UTP25: variants seen among roughly 807,000 people sequenced by gnomAD.
UTP25 encodes UTP25 small subunit processome component, also known as U3 small nucleolar RNA-associated protein 25 homolog.
In UTP25, 50 loss-of-function variants were observed where a neutral mutation model predicts 78.9. That is an observed-to-expected ratio of 0.63 (90% CI 0.50 to 0.80). The LOEUF is 0.80. UTP25 is among the 30% of genes least tolerant of loss of function. The pLI, the probability that UTP25 is intolerant of heterozygous loss-of-function variation, is 0.00. For missense variants in UTP25, 846 were observed against 911.3 expected (o/e 0.93, Z 0.92); for synonymous variants, 329 against 336.5 (o/e 0.98, Z 0.24).
chr1:209,856,840 G>T lies in UTP25; in HGVS notation c.*5393G>T, dbSNP rs1389122450. On this transcript the variant is annotated 3_prime_UTR_variant, in exon 12 of 12. Coordinates refer to ENST00000491415, the MANE Select transcript of UTP25 (RefSeq NM_014388.7). The stretch of plus-strand genomic sequence containing the variant: ...AGTTCTGACGTGTCCATTCCACACT[G>T]GATCCATAGAACGAGGGAACACAAG... The T allele has an allele frequency of 6.6e-6, 1 of 152,212 alleles. No individual in the cohort carries two copies. The highest frequency in any genetic ancestry group is 1.9e-4 in the East Asian group (1 of 5,206). The allele number at this position is 152,212 out of a possible 1,614,324, so 9.4% of individuals were successfully genotyped here. A position where few individuals can be genotyped will look rare whatever the true frequency, so the allele number is the denominator to read the frequency against.
At position 209,855,726 on chromosome 1, in the gene UTP25, G is replaced by A. The variant is rs1188259709; in HGVS notation, c.*4279G>A. The A allele has an allele frequency of 6.6e-6, 1 of 152,336 alleles. No homozygotes were observed. Among genetic ancestry groups the A allele is most frequent in the Non-Finnish European group, 1.5e-5 (1 of 68,136 alleles). 9.4% of individuals were successfully genotyped at this position (152,336 alleles called of 1,614,324 possible). On this transcript the variant is annotated 3_prime_UTR_variant, in exon 12 of 12. Transcript: ENST00000491415. ...GCTTCAGTCTTGGGCCTCTGCAGCT[G>A]GCTGTGACCAGGTGGAAACTGTAGC...
At chr1:209,846,731 G>T (rs1021339663) in intron 11 of UTP25, among the ~76,000 whole-genome samples, 1 of 152,214 alleles carries the variant, frequency 6.6e-6, no homozygotes, top group Non-Finnish European at 1.5e-5. Context: ...AAGCTATGGA[G>T]ACTTGCCACT....
intron 6 of UTP25, among the ~76,000 whole-genome samples, chr1:209,837,561 A>G (rs1336399139): frequency 6.6e-6 from 1 of 152,206 alleles, no homozygotes; most frequent in Non-Finnish European, 1.5e-5. Flanking sequence ...CAATCCCTCC[A>G]TATTACAGCT....
At chr1:209,830,550 CTGT>C (rs931282838) in intron 2 of UTP25, among the ~76,000 whole-genome samples, 3 of 150,728 alleles carry the variant, frequency 2.0e-5, no homozygotes, top group Admixed American at 1.3e-4. Context: ...TGTAATTATC[CTGT>C]TGTTCTATTA....
At chr1:209,849,246 C>T (rs1224651983) in intron 11 of UTP25, among the ~76,000 whole-genome samples, 1 of 152,162 alleles carries the variant, frequency 6.6e-6, no homozygotes, top group Admixed American at 6.5e-5. Context: ...CAGCCAGACT[C>T]CACCTTTTAT....
chr1:209,829,359 G>C (rs963894554), intron 1 of UTP25, among the ~76,000 whole-genome samples: 2 of 152,194 alleles, frequency 1.3e-5, no homozygotes, highest in African/African-American at 4.8e-5. Flanking sequence ...TTACGATAAG[G>C]AACTAAGTGT....
In UTP25 at chr1:209,835,142, C is replaced by G. The variant is rs780923080; in HGVS notation, c.630C>G (p.Pro210=). Residue 210 remains proline, a synonymous_variant, in exon 5 of 12, where the codon CCC becomes CCG. Transcript: ENST00000491415. Reference sequence around the variant, plus strand: ...CAATTCAGGCTGTTGCCACAAATCCCAAAACTACCCACGAGCTTAAAGTAA... The same window carrying G: ...CAATTCAGGCTGTTGCCACAAATCCGAAAACTACCCACGAGCTTAAAGTAA... The part of the protein sequence containing the change: ...EKAIQAVATN[P]KTTHELKWPI... The G allele has an allele frequency of 8.1e-6, 13 of 1,613,628 alleles. No individual in the cohort carries two copies. Among genetic ancestry groups the G allele is most frequent in the Admixed American group, 5.0e-5 (3 of 60,018 alleles).
At chr1:209,836,383 G>A (rs1466900909) in intron 5 of UTP25, among the ~76,000 whole-genome samples, 2 of 152,142 alleles carry the variant, frequency 1.3e-5, no homozygotes, top group African/African-American at 4.8e-5. Context: ...CTTTAGTATC[G>A]AGTGTACATT....
rs774303805 is a variant in UTP25, at chr1:209,843,464, G to C, written c.1795G>C (p.Val599Leu). ...SVIDARFNFF[V>L]NKILPQYRDA... ...ATTCCAAATCAGGTTTAACTTTTTTGTGAACAAGATTTTGCCACAGTATCG... is the reference window on the plus strand; with the variant it reads ...ATTCCAAATCAGGTTTAACTTTTTTCTGAACAAGATTTTGCCACAGTATCG... The change falls in exon 11 of 12, where the codon GTG (valine) becomes CTG (leucine). Residue 599 changes from valine (V) to leucine (L), a missense_variant. Physicochemically the swap from Val to Leu is conservative, Grantham distance 32. Coordinates refer to ENST00000491415, the MANE Select transcript of UTP25 (RefSeq NM_014388.7). The C allele has an allele frequency of 2.9e-5, 47 of 1,613,660 alleles. No homozygotes were observed. The highest frequency in any genetic ancestry group is 3.9e-5 in the Non-Finnish European group (46 of 1,179,796).
At chr1:209,847,020 C>T (rs1203187625) in intron 11 of UTP25, among the ~76,000 whole-genome samples, 3 of 145,052 alleles carry the variant, frequency 2.1e-5, no homozygotes, top group South Asian at 2.1e-4. Flanking sequence ...TGCACATGCA[C>T]ACGTGCACAC....
chr1:209,833,228 A>G lies in UTP25; in HGVS notation c.432A>G (p.Glu144=). Residue 144 remains glutamate (E), a synonymous_variant, in exon 4 of 12, where the codon GAA becomes GAG. Coordinates refer to ENST00000491415, the MANE Select transcript of UTP25 (RefSeq NM_014388.7). ...SADPEGKEDG[E]EPPGTSQTSP... Reference sequence around the variant, plus strand: ...ACCCTGAGGGAAAAGAAGATGGGGAAGAGCCACCGGGCACATCACAAACAT... The same window carrying G: ...ACCCTGAGGGAAAAGAAGATGGGGAGGAGCCACCGGGCACATCACAAACAT... 6.2e-7 allele frequency: 1 copy of G among 1,614,074 alleles called. No homozygotes were observed. Among genetic ancestry groups the G allele is most frequent in the Non-Finnish European group, 8.5e-7 (1 of 1,179,962 alleles).
intron 11 of UTP25, among the ~76,000 whole-genome samples, chr1:209,845,925 C>T (rs1040081143): frequency 2.7e-5 from 4 of 147,106 alleles, no homozygotes; most frequent in African/African-American, 1.0e-4. Flanking sequence ...GGTGTGATCT[C>T]GGCCCGCTGC....
chr1:209,848,623 C>T lies in UTP25; in HGVS notation c.2028-2581C>T, dbSNP rs192038662. ...TGTACACAGTTAAAAATGTGTCATG[C>T]GTTGCCACTTATTTGCTCCTTTGCA... On this transcript the variant is annotated intron_variant, in intron 11 of 11. Transcript: ENST00000491415. Among the ~76,000 whole-genome samples, 733 of 152,268 alleles carry T rather than the reference C, an allele frequency of 4.8e-3. 9 individuals are homozygous for T. The highest frequency in any genetic ancestry group is 6.1e-3 in the Non-Finnish European group (416 of 68,024).
intron 1 of UTP25, among the ~76,000 whole-genome samples, chr1:209,829,510 G>T (rs920439683): frequency 1.3e-5 from 2 of 150,412 alleles, no homozygotes; most frequent in East Asian, 3.9e-4. Context: ...TTGAGGCAGG[G>T]TCTCACTTCG....
At chr1:209,829,467 TC>T (rs1458885280) in intron 1 of UTP25, among the ~76,000 whole-genome samples, 1 of 151,670 alleles carries the variant, frequency 6.6e-6, no homozygotes, top group Non-Finnish European at 1.5e-5. Context: ...TTAGGGACAT[TC>T]TTTTTTTCTT....
At chr1:209,835,185 C>G (rs747922189) in intron 5 of UTP25, 22 bp downstream of exon 5, 5 of 1,600,858 alleles carry the variant, frequency 3.1e-6, no homozygotes, top group Admixed American at 1.7e-5. Flanking sequence ...TTGGTCATCC[C>G]GGTCACAAAT....
rs372640601 is a variant in UTP25 at position 209,833,064 on chromosome 1, T to C, written c.389-121T>C. The C allele has an allele frequency of 1.3e-4, 126 of 954,816 alleles. 4 individuals are homozygous for C. Among genetic ancestry groups the C allele is most frequent in the East Asian group, 1.1e-3 (39 of 35,700 alleles). The allele number at this position is 954,816 out of a possible 1,614,324, so 59.1% of individuals were successfully genotyped here. A position where few individuals can be genotyped will look rare whatever the true frequency, so the allele number is the denominator to read the frequency against. ...GAAATCTATGTTTTCTACCTGAATT[T>C]ACCTAAATATAAATAGTATCAATGA... is the stretch of plus-strand genomic sequence containing the variant. On this transcript the variant is annotated intron_variant, in intron 3 of 11. Transcript: ENST00000491415.
At chr1:209,850,442 G>A (rs10489344) in intron 11 of UTP25, among the ~76,000 whole-genome samples, 20,397 of 152,218 alleles carry the variant, frequency 0.13, 1,719 homozygotes, top group Non-Finnish European at 0.17. Context: ...GGAGTCTAAC[G>A]TCTTCAGTGT....
In UTP25 at chr1:209,854,062, C is replaced by T. The variant is rs745441445; in HGVS notation, c.*2615C>T. 6.6e-6 allele frequency: 1 copy of T among 152,204 alleles called. No homozygotes were observed. Among genetic ancestry groups the T allele is most frequent in the African/African-American group, 2.4e-5 (1 of 41,442 alleles). 9.4% of individuals were successfully genotyped at this position (152,204 alleles called of 1,614,324 possible). Reference sequence around the variant, plus strand: ...TAAAAGGATGCCTTGAAGATCTGGTCTCTCTCAACACACAATAAGCGAGAA... The same window carrying T: ...TAAAAGGATGCCTTGAAGATCTGGTTTCTCTCAACACACAATAAGCGAGAA... On this transcript the variant is annotated 3_prime_UTR_variant, in exon 12 of 12. Coordinates refer to ENST00000491415, the MANE Select transcript of UTP25 (RefSeq NM_014388.7).
Sources: gnomAD v4.1 joint callset for allele counts (sites outside exome capture counted in the v4.1 genomes callset) on GRCh38, gnomAD v4.1.1 for gene constraint, MANE v1.5 for transcripts, NCBI Gene and HGNC (gene_info 2026-07-23, HGNC 2026-07-21) for gene names.